The following UBR4 variants were observed in gnomAD, a reference collection of about 807,000 sequenced individuals.
UBR4 encodes ubiquitin protein ligase E3 component n-recognin 4.
UBR4 carries 124 observed loss-of-function variants against 575.6 expected under a neutral mutation model. The observed-to-expected ratio is 0.22, with a 90% CI of 0.19 to 0.25. The LOEUF (loss-of-function observed/expected upper bound fraction) is 0.25, where lower values mean the gene tolerates loss of function less well. Ranked by LOEUF, UBR4 falls within the 10% of genes least tolerant of loss-of-function variation. The pLI is 1.00. For synonymous variants in UBR4, 2,455 were observed against 2,473.7 expected (o/e 0.99, Z 0.22); for missense variants, 4,818 against 6,478.8 (o/e 0.74, Z 8.80).
chr1:19,135,090 T>A (rs1217369323), intron 60 of UBR4, among the ~76,000 whole-genome samples: 1 of 152,224 alleles, frequency 6.6e-6, no homozygotes, highest in East Asian at 1.9e-4. Context: ...TTCAACTGAT[T>A]TTTGCATATA....
At position 19,138,040 on chromosome 1, in the gene UBR4, CCTT is replaced by C; in HGVS notation, c.8870_8872del (p.Glu2957del). On this transcript the variant is annotated inframe_deletion, in exon 60 of 106. Coordinates refer to ENST00000375254, the MANE Select transcript of UBR4 (RefSeq NM_020765.3). ...AGTGTGGACATCTCCTTCAGTTTCT[CCTT>C]CTCCTTCTCCCTCGGAGCCATCTCC... The C allele has an allele frequency of 6.3e-7, 1 of 1,576,832 alleles. No homozygotes were observed. Among genetic ancestry groups the C allele is most frequent in the Non-Finnish European group, 8.6e-7 (1 of 1,156,682 alleles).
At chr1:19,113,188 G>A (rs2080094161) in intron 77 of UBR4, 2 of 308,078 alleles carry the variant, frequency 6.5e-6, no homozygotes, top group Non-Finnish European at 1.2e-5. Flanking sequence ...AGCAATTTGG[G>A]GTTGAGGGGG....
chr1:19,208,275 G>T (rs1379336603), intron 1 of UBR4, among the ~76,000 whole-genome samples: 1 of 152,056 alleles, frequency 6.6e-6, no homozygotes, highest in Non-Finnish European at 1.5e-5. Context: ...AGACCATTCT[G>T]GCTAACATGG....
chr1:19,127,378 A>G (rs1277985995), intron 63 of UBR4, among the ~76,000 whole-genome samples: 1 of 152,254 alleles, frequency 6.6e-6, no homozygotes, highest in Non-Finnish European at 1.5e-5. Context: ...CTGCTCTTCA[A>G]TAATGGAACT....
chr1:19,156,991 CA>C, intron 40 of UBR4, 66 bp from the exon 41 acceptor site: 1 of 1,548,170 alleles, frequency 6.5e-7, no homozygotes, highest in Admixed American at 2.0e-5. Context: ...AAGCAAGTAA[CA>C]AAAACTCTTT....
At chr1:19,115,713 A>T in intron 73 of UBR4, 76 bp from the exon 74 acceptor site, 1 of 1,560,728 alleles carries the variant, frequency 6.4e-7, no homozygotes, top group Non-Finnish European at 8.7e-7. Context: ...AAAGAGGAAG[A>T]CTGTCCCATG....
In UBR4 at chr1:19,175,002, G is replaced by A; in HGVS notation, c.2805C>T (p.Val935=). The change falls in exon 21 of 106, where the codon GTC becomes GTT. Residue 935 remains valine (V), a synonymous_variant. Coordinates refer to ENST00000375254, the MANE Select transcript of UBR4 (RefSeq NM_020765.3). The part of the protein sequence containing the change: ...DAVPHPRFYC[V]LSPEASEDDL... Reference sequence around the variant, plus strand: ...CATCCTCTGAGGCTTCTGGGGACAGGACACAGTAGAATCTGGGGTGTGGGA... The same window carrying A: ...CATCCTCTGAGGCTTCTGGGGACAGAACACAGTAGAATCTGGGGTGTGGGA... 6.2e-7 allele frequency: 1 copy of A among 1,613,972 alleles called. No individual in the cohort carries two copies. Among genetic ancestry groups the A allele is most frequent in the Non-Finnish European group, 8.5e-7 (1 of 1,179,912 alleles).
intron 75 of UBR4, among the ~76,000 whole-genome samples, chr1:19,114,578 G>A (rs1485604542): frequency 6.6e-6 from 1 of 152,208 alleles, no homozygotes; most frequent in East Asian, 1.9e-4. Flanking sequence ...TGTACCTGGA[G>A]ATACTCTAGT....
chr1:19,140,371 A>G (rs2083728132), intron 58 of UBR4, among the ~76,000 whole-genome samples: 1 of 152,252 alleles, frequency 6.6e-6, no homozygotes, highest in Admixed American at 6.5e-5. Flanking sequence ...CTGAAGTATA[A>G]TCTAGCTTCT....
At position 19,122,835 on chromosome 1, in the gene UBR4, G is replaced by A. The variant is rs1383129301; in HGVS notation, c.9814C>T (p.Leu3272=). The change falls in exon 66 of 106, where the codon CTG becomes TTG. Residue 3272 remains leucine (L), a splice_region_variant and synonymous_variant. Coordinates refer to ENST00000375254, the MANE Select transcript of UBR4 (RefSeq NM_020765.3). Reference sequence around the variant, plus strand: ...CTACCAGGTCCCAGCCCTCGTACCAGGCTGATGAGTGTGTCATATTGCAAG... The same window carrying A: ...CTACCAGGTCCCAGCCCTCGTACCAAGCTGATGAGTGTGTCATATTGCAAG... ...SALQYDTLIS[L]MEHLKACAEI... is the part of the protein sequence containing the mutation. 1.2e-6 allele frequency: 2 copies of A among 1,614,112 alleles called. No individual in the cohort carries two copies. The highest frequency in any genetic ancestry group is 1.1e-5 in the South Asian group (1 of 91,088).
intron 6 of UBR4, 64 bp from the exon 7 acceptor site, chr1:19,197,875 A>G: frequency 6.2e-7 from 1 of 1,612,260 alleles, no homozygotes. Context: ...TCTTATCCAT[A>G]TGACAGAAGC....
chr1:19,139,263 A>G lies in UBR4; in HGVS notation c.8594-43T>C, dbSNP rs1344486376. 2 of 1,535,892 alleles carry G rather than the reference A, an allele frequency of 1.3e-6. No homozygotes were observed. Among genetic ancestry groups the G allele is most frequent in the Non-Finnish European group, 1.8e-6 (2 of 1,138,126 alleles). ...GCTGTTACAGGTTAAAAAACAAACA[A>G]ACAAACAAACAAACAAAAAACAAAA... is the stretch of plus-strand genomic sequence containing the variant. On this transcript the variant is annotated intron_variant, in intron 58 of 105. Transcript: ENST00000375254. The surrounding 1 kb of genome is among the most constrained non-coding windows in gnomAD (Gnocchi z 4.2).
intron 29 of UBR4, among the ~76,000 whole-genome samples, chr1:19,166,713 CCAAAAAAAAA>C (rs2088497082): frequency 1.1e-5 from 1 of 90,206 alleles, no homozygotes; most frequent in Non-Finnish European, 2.0e-5. Context: ...TCCATCTCTA[CCAAAAAAAAA>C]AAAAAAAAAA....
chr1:19,140,963 G>A (rs964636292), intron 57 of UBR4, 71 bp from the exon 58 acceptor site: 1 of 1,473,488 alleles, frequency 6.8e-7, no homozygotes, highest in Non-Finnish European at 9.2e-7. Context: ...TTGGCCACCT[G>A]CTGCCCTCAA....
rs1221187760 is a variant in UBR4, at chr1:19,185,124, A to G, written c.1913T>C (p.Leu638Pro). Residue 638 changes from leucine to proline, a missense_variant, in exon 15 of 106, where the codon CTG (leucine) becomes CCG (proline). Physicochemically the swap from Leu to Pro is moderately conservative, Grantham distance 98. Transcript: ENST00000375254. ...CAACTCAGGATCTTTGCGACTCGCC[A>G]GAATGTTGCCCTTCTCACCAGGGGC... ...KQAPGEKGNI[L>P]ASRKDPELFL... 3 of 1,614,016 alleles carry G rather than the reference A, an allele frequency of 1.9e-6. No homozygotes were observed. The highest frequency in any genetic ancestry group is 1.7e-6 in the Non-Finnish European group (2 of 1,180,012).
At position 19,169,607 on chromosome 1, in the gene UBR4, C is replaced by G. The variant is rs1287012801; in HGVS notation, c.3644-75G>C. 10 of 1,267,964 alleles carry G rather than the reference C, an allele frequency of 7.9e-6. No individual in the cohort carries two copies. The South Asian group carries it at 1.4e-4, about 17-fold the overall frequency. 78.5% of individuals were successfully genotyped at this position (1,267,964 alleles called of 1,614,324 possible). A position where few individuals can be genotyped will look rare whatever the true frequency, so the allele number is the denominator to read the frequency against. The stretch of plus-strand genomic sequence containing the variant: ...CACAGAGCATTTTAAAAGCCAAGCC[C>G]AAATGCAGAAAGAAACAGTACAGCC... On this transcript the variant is annotated intron_variant, in intron 26 of 105. Coordinates refer to ENST00000375254, the MANE Select transcript of UBR4 (RefSeq NM_020765.3).
chr1:19,084,385 T>A, intron 102 of UBR4, 119 bp downstream of exon 102: 1 of 1,100,542 alleles, frequency 9.1e-7, no homozygotes, highest in Non-Finnish European at 1.3e-6. Flanking sequence ...AAGGCTGCCT[T>A]AGGCCAGACG....
intron 27 of UBR4, 62 bp downstream of exon 27, chr1:19,169,373 A>T: frequency 1.4e-6 from 2 of 1,452,892 alleles, no homozygotes; most frequent in Admixed American, 2.2e-5. Flanking sequence ...CTTTAGGCTT[A>T]AGAACAAAAG....
rs1205105959 is a variant in UBR4 at position 19,162,628 on chromosome 1, A to AAC, written c.4765-18_4765-17insGT. The AAC allele has an allele frequency of 3.8e-6, 6 of 1,596,868 alleles. No individual in the cohort carries two copies. The Admixed American group carries it at 5.2e-5, about 14-fold the overall frequency. On this transcript the variant is annotated splice_polypyrimidine_tract_variant and intron_variant, in intron 34 of 105. Coordinates refer to ENST00000375254, the MANE Select transcript of UBR4 (RefSeq NM_020765.3). Reference sequence around the variant, plus strand: ...CATCACATGCTGTAAGAGAAGCCCCACAGCAACTTCAGATTCTCCATGTTT... The same window carrying AAC: ...CATCACATGCTGTAAGAGAAGCCCCAACCAGCAACTTCAGATTCTCCATGTTT...
Sources: allele counts gnomAD v4.1 joint callset (sites outside exome capture counted in the v4.1 genomes callset), GRCh38; gene constraint gnomAD v4.1.1; non-coding constraint Gnocchi (gnomAD v3.1); transcripts MANE v1.5; gene names NCBI Gene and HGNC (gene_info 2026-07-23, HGNC 2026-07-21).